Variants in THSD7B observed in about 807,000 individuals in gnomAD.
The protein encoded by THSD7B is thrombospondin type 1 domain containing 7B.
THSD7B carries 138 observed loss-of-function variants against 213.6 expected under a neutral mutation model. The observed-to-expected ratio is 0.65, with a 90% confidence interval of 0.56 to 0.74. The LOEUF (loss-of-function observed/expected upper bound fraction) is 0.74, where lower values mean the gene tolerates loss of function less well. Ranked by LOEUF, THSD7B falls within the 30% of genes least tolerant of loss-of-function variation. THSD7B has a pLI of 0.00. For missense variants in THSD7B, 1,931 were observed against 1,991.5 expected (o/e 0.97, Z 0.58); for synonymous variants, 742 against 687.0 (o/e 1.08, Z -1.25).
intron 4 of THSD7B, among the ~76,000 whole-genome samples, chr2:137,107,656 A>C (rs1235034050): frequency 6.6e-6 from 1 of 152,120 alleles, no homozygotes; most frequent in East Asian, 1.9e-4. Context: ...TTTTTATTGC[A>C]TTTGTCTATT....
At chr2:137,587,568 A>C (rs1009590894) in intron 17 of THSD7B, among the ~76,000 whole-genome samples, 1 of 152,168 alleles carries the variant, frequency 6.6e-6, no homozygotes, top group Non-Finnish European at 1.5e-5. Context: ...AGGATCCTCA[A>C]CTGCAGGTCT....
intron 15 of THSD7B, among the ~76,000 whole-genome samples, chr2:137,473,466 C>G (rs1688132394): frequency 6.6e-6 from 1 of 152,052 alleles, no homozygotes; most frequent in South Asian, 2.1e-4. Flanking sequence ...CCTCGGCCTC[C>G]CAAGGAAAAC....
chr2:136,933,933 C>T (rs147547361), intron 2 of THSD7B, among the ~76,000 whole-genome samples: 2,408 of 152,186 alleles, frequency 0.016, 38 homozygotes, highest in Non-Finnish European at 0.018. Context: ...ATTTAGGTTG[C>T]GCTATTAACT....
intron 3 of THSD7B, among the ~76,000 whole-genome samples, chr2:137,071,993 C>T (rs925897028): frequency 6.6e-6 from 1 of 152,124 alleles, no homozygotes; most frequent in Admixed American, 6.6e-5. Context: ...CAGTATCATG[C>T]TGTTTTGGTT....
rs988038238 is a variant in THSD7B at position 136,990,775 on chromosome 2, A to G, written c.140-65645A>G. On this transcript the variant is annotated intron_variant, in intron 2 of 27. Transcript: ENST00000409968. ...CCCCTTCTCTAATACCTTGTTTGAGATGGAGATACTGATTAGGACACGCCA... is the reference window on the plus strand; with the variant it reads ...CCCCTTCTCTAATACCTTGTTTGAGGTGGAGATACTGATTAGGACACGCCA... 4 of 608,874 alleles carry G rather than the reference A, an allele frequency of 6.6e-6. No homozygotes were observed. The African/African-American group carries it at 7.7e-5, about 12-fold the overall frequency. The allele number at this position is 608,874 out of a possible 1,614,324, so 37.7% of individuals were successfully genotyped here. A position where few individuals can be genotyped will look rare whatever the true frequency, so the allele number is the denominator to read the frequency against.
intron 2 of THSD7B, among the ~76,000 whole-genome samples, chr2:136,969,758 G>C (rs755330891): frequency 1.3e-5 from 2 of 152,138 alleles, no homozygotes; most frequent in Non-Finnish European, 2.9e-5. Flanking sequence ...AGGAATACTA[G>C]TATTTGGGGA....
chr2:137,671,251 A>ATT (rs1558878846), intron 27 of THSD7B, among the ~76,000 whole-genome samples: 573 of 56,428 alleles, frequency 0.01, 3 homozygotes, highest in Middle Eastern at 0.091. Context: ...TTTTTTTAAA[A>ATT]AAAAAAAAAA....
At chr2:137,396,443 G>C (rs891902643) in intron 12 of THSD7B, among the ~76,000 whole-genome samples, 8 of 148,734 alleles carry the variant, frequency 5.4e-5, no homozygotes, top group African/African-American at 1.7e-4. Context: ...TTCAGGAACA[G>C]GTTGTTCAGT....
At chr2:136,828,678 A>C (rs563267787) in intron 1 of THSD7B, among the ~76,000 whole-genome samples, 2 of 152,336 alleles carry the variant, frequency 1.3e-5, no homozygotes, top group South Asian at 4.1e-4. Context: ...CCTGCTAAGC[A>C]CATAATTGCC....
intron 14 of THSD7B, among the ~76,000 whole-genome samples, chr2:137,417,939 T>C (rs1030716869): frequency 2.0e-5 from 3 of 152,176 alleles, no homozygotes; most frequent in African/African-American, 4.8e-5. Flanking sequence ...GCCTAAATCC[T>C]TTACACCTTT....
At chr2:136,945,178 G>T (rs1003457706) in intron 2 of THSD7B, among the ~76,000 whole-genome samples, 6 of 152,162 alleles carry the variant, frequency 3.9e-5, no homozygotes, top group Non-Finnish European at 7.3e-5. Flanking sequence ...GAAATTCTGG[G>T]TTGAAAATGA....
intron 2 of THSD7B, among the ~76,000 whole-genome samples, chr2:136,946,780 C>T (rs968494632): frequency 9.9e-5 from 15 of 152,168 alleles, no homozygotes; most frequent in African/African-American, 3.4e-4. Flanking sequence ...GGGTGTGGGA[C>T]CCACCGAGCC....
chr2:137,444,236 C>T (rs1687480751), intron 14 of THSD7B, among the ~76,000 whole-genome samples: 1 of 151,954 alleles, frequency 6.6e-6, no homozygotes, highest in African/African-American at 2.4e-5. Flanking sequence ...AAAATGTATA[C>T]ATTCACCAAG....
intron 3 of THSD7B, among the ~76,000 whole-genome samples, chr2:137,077,469 A>G (rs1368037852): frequency 6.6e-6 from 1 of 152,062 alleles, no homozygotes; most frequent in Admixed American, 6.6e-5. Context: ...CTATTTCTCC[A>G]CATCCTCTCC....
chr2:137,449,053 A>G lies in THSD7B; in HGVS notation c.2960-1792A>G, dbSNP rs1301902483. Among the ~76,000 whole-genome samples, 3 of 152,222 alleles carry G rather than the reference A, an allele frequency of 2.0e-5. No homozygotes were observed. The East Asian group carries it at 5.8e-4, about 29-fold the overall frequency. ...GGGGAGTTAGCAGAGGTTTCAAAAA[A>G]GGAGTAATAAAAGTTATTTTGTATT... On this transcript the variant is annotated intron_variant, in intron 14 of 27. Coordinates refer to ENST00000409968, the MANE Select transcript of THSD7B (RefSeq NM_001316349.2).
intron 21 of THSD7B, among the ~76,000 whole-genome samples, chr2:137,645,368 C>G (rs960610442): frequency 6.6e-6 from 1 of 152,168 alleles, no homozygotes; most frequent in Non-Finnish European, 1.5e-5. Flanking sequence ...GGAGAGTTAA[C>G]GAGAAAACCT....
intron 12 of THSD7B, among the ~76,000 whole-genome samples, chr2:137,297,876 A>T (rs1025516042): frequency 2.0e-4 from 31 of 151,966 alleles, no homozygotes; most frequent in Non-Finnish European, 5.9e-5. Flanking sequence ...GTCCAATTAA[A>T]CCTCTTTCTT....
chr2:137,196,663 A>T (rs539700022), intron 7 of THSD7B, among the ~76,000 whole-genome samples: 30 of 152,248 alleles, frequency 2.0e-4, no homozygotes, highest in Admixed American at 1.6e-3. Flanking sequence ...GCCTTCTGAT[A>T]GTTCACTGTA....
intron 2 of THSD7B, among the ~76,000 whole-genome samples, chr2:136,974,025 C>CT (rs1411948181): frequency 6.6e-6 from 1 of 152,054 alleles, no homozygotes; most frequent in Non-Finnish European, 1.5e-5. Flanking sequence ...TCTCATTGTG[C>CT]TTTATGTAAG....
Sources: gnomAD v4.1 joint callset for allele counts (sites outside exome capture counted in the v4.1 genomes callset) on GRCh38, gnomAD v4.1.1 for gene constraint, MANE v1.5 for transcripts, NCBI Gene and HGNC (gene_info 2026-07-23, HGNC 2026-07-21) for gene names.